The following WASF3 variants were observed in gnomAD, a reference collection of about 807,000 sequenced individuals.
WASF3 encodes the protein actin-binding protein WASF3.
Under a neutral mutation model 46.6 loss-of-function variants are expected in WASF3, and 11 were observed. That is an observed-to-expected ratio of 0.24 (90% CI 0.15 to 0.39). The LOEUF (loss-of-function observed/expected upper bound fraction) is 0.39. Ranked by LOEUF, WASF3 falls within the 10% of genes least tolerant of loss-of-function variation. The probability of loss-of-function intolerance (pLI) is 1.00; values close to 1 mark genes in which losing one functional copy is unlikely to be tolerated. For missense variants in WASF3, 576 were observed against 669.8 expected (o/e 0.86, Z 1.55); for synonymous variants, 242 against 259.7 (o/e 0.93, Z 0.65).
chr13:26,648,162 G>A (rs1200928864), intron 3 of WASF3, among the ~76,000 whole-genome samples: 1 of 152,040 alleles, frequency 6.6e-6, no homozygotes, highest in Non-Finnish European at 1.5e-5. Flanking sequence ...GGAGTCATCA[G>A]GCTTCTTCAT....
At chr13:26,632,198 C>T (rs1881671716) in intron 2 of WASF3, among the ~76,000 whole-genome samples, 1 of 152,142 alleles carries the variant, frequency 6.6e-6, no homozygotes, top group Non-Finnish European at 1.5e-5. Context: ...GCCAGAACTT[C>T]GAATACTATG....
chr13:26,582,659 C>T (rs1351657599), intron 1 of WASF3, among the ~76,000 whole-genome samples: 4 of 107,180 alleles, frequency 3.7e-5, no homozygotes, highest in African/African-American at 1.5e-4. Flanking sequence ...CCTGGGTGAC[C>T]GAGTGAGACT....
chr13:26,655,826 C>G (rs141151301), intron 3 of WASF3, among the ~76,000 whole-genome samples: 1 of 152,056 alleles, frequency 6.6e-6, no homozygotes, highest in Admixed American at 6.6e-5. Context: ...TGGTGGGAGC[C>G]CTTTCAGACA....
In WASF3 at chr13:26,575,924, G is replaced by T. The variant is rs114567581; in HGVS notation, c.-109+18105G>T. On this transcript the variant is annotated intron_variant, in intron 1 of 9. Transcript: ENST00000335327. ...CTAGGTTACATTTTTGGGGTAGTTT[G>T]TTCTTGGTCAGTTTTCCCCAGTTGG... Among the ~76,000 whole-genome samples the T allele has an allele frequency of 5.9e-3, 902 of 152,230 alleles. 6 individuals are homozygous for T. The highest frequency in any genetic ancestry group is 0.02 in the African/African-American group (829 of 41,556).
intron 2 of WASF3, 26 bp from the exon 3 acceptor site, chr13:26,642,235 A>G: frequency 1.3e-6 from 2 of 1,501,542 alleles, no homozygotes; most frequent in South Asian, 1.4e-5. Context: ...ATATGAGCTT[A>G]TAAAGAATGT....
intron 1 of WASF3, among the ~76,000 whole-genome samples, chr13:26,604,628 T>G (rs1880738170): frequency 6.6e-6 from 1 of 152,196 alleles, no homozygotes; most frequent in Non-Finnish European, 1.5e-5. Flanking sequence ...AGTAGCAAAA[T>G]TACACGATGC....
At chr13:26,603,992 G>T (rs1880719654) in intron 1 of WASF3, among the ~76,000 whole-genome samples, 1 of 152,196 alleles carries the variant, frequency 6.6e-6, no homozygotes. Context: ...GAGTTAGGAG[G>T]GTGGGGTGAT....
At chr13:26,564,377 C>T (rs1879394655) in intron 1 of WASF3, among the ~76,000 whole-genome samples, 2 of 152,230 alleles carry the variant, frequency 1.3e-5, no homozygotes. Flanking sequence ...GCACTTATTT[C>T]ACTGTGGTAA....
At chr13:26,545,126 C>T in the WASF3 span, among the ~76,000 whole-genome samples, 10 of 152,156 alleles carry the variant, frequency 6.6e-5, no homozygotes, top group African/African-American at 1.9e-4. Flanking sequence ...TAAATGGGAT[C>T]GACATGGGAA....
intron 6 of WASF3, among the ~76,000 whole-genome samples, chr13:26,675,179 T>C (rs1883027380): frequency 6.6e-6 from 1 of 152,194 alleles, no homozygotes; most frequent in South Asian, 2.1e-4. Flanking sequence ...CTCCAATGCC[T>C]TCTCAGCATG....
chr13:26,544,592 G>A, the WASF3 span, among the ~76,000 whole-genome samples: 1 of 152,224 alleles, frequency 6.6e-6, no homozygotes, highest in Admixed American at 6.5e-5. Context: ...GATCTCATTA[G>A]TTGTACCATG....
chr13:26,642,210 T>G (rs1371670168), intron 2 of WASF3, 51 bp from the exon 3 acceptor site: 12 of 1,425,928 alleles, frequency 8.4e-6, no homozygotes, highest in Non-Finnish European at 1.1e-5. Flanking sequence ...AAATTCCAGA[T>G]TTGTTAAAAT....
chr13:26,626,725 T>C (rs1276561492), intron 2 of WASF3, among the ~76,000 whole-genome samples: 2 of 152,204 alleles, frequency 1.3e-5, no homozygotes, highest in Non-Finnish European at 2.9e-5. Context: ...ATGACCGTTA[T>C]ATCAAAGTAG....
intron 1 of WASF3, among the ~76,000 whole-genome samples, chr13:26,596,642 G>A (rs1880472927): frequency 6.6e-6 from 1 of 151,920 alleles, no homozygotes; most frequent in Non-Finnish European, 1.5e-5. Context: ...CTATCTTTGG[G>A]TTTAATGAGC....
Position 26,570,457 on chromosome 13 carries a change from C to T in WASF3, c.-109+12638C>T, listed in dbSNP as rs192172959. Among the ~76,000 whole-genome samples, 249 of 152,242 alleles carry T rather than the reference C, an allele frequency of 1.6e-3. 1 individual carries two copies. Among genetic ancestry groups the T allele is most frequent in the African/African-American group, 5.6e-3 (234 of 41,544 alleles). On this transcript the variant is annotated intron_variant, in intron 1 of 9. Coordinates refer to ENST00000335327, the MANE Select transcript of WASF3 (RefSeq NM_006646.6). ...CTTTCTCCCTCTTGTAAATAACCAG[C>T]CTCACTTTTCTAGTTTCTTTTAAGA... is the stretch of plus-strand genomic sequence containing the variant.
chr13:26,593,477 T>C (rs1330935315), intron 1 of WASF3, among the ~76,000 whole-genome samples: 1 of 152,258 alleles, frequency 6.6e-6, no homozygotes, highest in Non-Finnish European at 1.5e-5. Flanking sequence ...ATTATTGTTA[T>C]TATTATTTAC....
At chr13:26,568,854 C>A (rs1295056924) in intron 1 of WASF3, among the ~76,000 whole-genome samples, 1 of 152,126 alleles carries the variant, frequency 6.6e-6, no homozygotes, top group Non-Finnish European at 1.5e-5. Flanking sequence ...TTGCTACTTT[C>A]CCCGTATGCC....
intron 1 of WASF3, among the ~76,000 whole-genome samples, chr13:26,570,831 TG>T (rs1216563750): frequency 6.6e-6 from 1 of 152,216 alleles, no homozygotes; most frequent in Non-Finnish European, 1.5e-5. Flanking sequence ...TTTGGATTTC[TG>T]GGTTGAAGGA....
chr13:26,680,917 C>G (rs547544937), intron 7 of WASF3, 137 bp from the exon 8 acceptor site: 1 of 1,078,286 alleles, frequency 9.3e-7, no homozygotes, highest in Admixed American at 2.5e-5. Flanking sequence ...GGGGCTATAC[C>G]TAGTTGATAG....
Sources: gnomAD v4.1 joint callset for allele counts (sites outside exome capture counted in the v4.1 genomes callset) on GRCh38, gnomAD v4.1.1 for gene constraint, MANE v1.5 for transcripts, NCBI Gene and HGNC (gene_info 2026-07-23, HGNC 2026-07-21) for gene names.